Variants in EMSY observed in about 807,000 individuals in gnomAD.
EMSY encodes EMSY transcriptional repressor, BRCA2 interacting.
EMSY carries 26 observed loss-of-function variants against 134.6 expected under a neutral mutation model. That is an observed-to-expected ratio of 0.19 (90% confidence interval 0.14 to 0.27). The LOEUF (loss-of-function observed/expected upper bound fraction) is 0.27, where lower values mean the gene tolerates loss of function less well. Ranked by LOEUF, EMSY falls within the 10% of genes least tolerant of loss-of-function variation. The pLI, the probability that EMSY is intolerant of heterozygous loss-of-function variation, is 1.00. For synonymous variants in EMSY, 579 were observed against 577.8 expected, an observed-to-expected ratio of 1.00 and a Z score of -0.03; for missense variants, 1,305 against 1,611.4, an observed-to-expected ratio of 0.81 and a Z score of 3.26.
intron 7 of EMSY, among the ~76,000 whole-genome samples, chr11:76,468,143 T>C (rs1948432721): frequency 6.6e-6 from 1 of 152,182 alleles, no homozygotes; most frequent in Admixed American, 6.5e-5. Context: ...TTTAAGTTCA[T>C]TGACTTTACC....
chr11:76,544,896 T>C, intron 19 of EMSY, 74 bp downstream of exon 20: 1 of 1,440,146 alleles, frequency 6.9e-7, no homozygotes, highest in Non-Finnish European at 9.5e-7. Context: ...ATCACGACCC[T>C]ATCATGATAT....
chr11:76,528,116 A>G (rs80237143), intron 13 of EMSY, 152 bp from the exon 15 acceptor site: 14,885 of 675,652 alleles, frequency 0.022, 373 homozygotes, highest in East Asian at 0.096. Flanking sequence ...CTGTAGATTG[A>G]ATTACCCTTT....
At chr11:76,495,920 G>T (rs111376569) in intron 8 of EMSY, among the ~76,000 whole-genome samples, 1 of 152,094 alleles carries the variant, frequency 6.6e-6, no homozygotes, top group African/African-American at 2.4e-5. Context: ...TTAAGAGACA[G>T]GTCTGGGAAC....
chr11:76,523,677 AATT>A (rs1309623006), intron 12 of EMSY, among the ~76,000 whole-genome samples: 1 of 149,086 alleles, frequency 6.7e-6, no homozygotes, highest in African/African-American at 2.5e-5. Flanking sequence ...ATTAAGACTA[AATT>A]AATTGATGGG....
chr11:76,452,079 G>A, intron 3 of EMSY, 122 bp downstream of exon 3: 1 of 555,088 alleles, frequency 1.8e-6, no homozygotes, highest in South Asian at 3.8e-5. Flanking sequence ...TCAAATTGTT[G>A]GTGCTAAGAG....
At chr11:76,536,987 A>G (rs1230237105) in intron 15 of EMSY, among the ~76,000 whole-genome samples, 2 of 152,162 alleles carry the variant, frequency 1.3e-5, no homozygotes, top group Non-Finnish European at 1.5e-5. Context: ...GTTACCGTTT[A>G]TTGTAACTTC....
intron 4 of EMSY, chr11:76,453,818 G>A (rs1270410652): frequency 3.3e-5 from 5 of 152,160 alleles, no homozygotes; most frequent in Non-Finnish European, 5.9e-5. Context: ...TGTATTTTGA[G>A]ATTCAGAAAA....
At chr11:76,448,081 AAG>A (rs1207858048) in intron 2 of EMSY, among the ~76,000 whole-genome samples, 1 of 152,198 alleles carries the variant, frequency 6.6e-6, no homozygotes, top group African/African-American at 2.4e-5. Context: ...AACAAAAAAA[AAG>A]AGGATAACAC....
At chr11:76,496,388 C>T (rs768801916) in exon 9 of EMSY, 3 of 1,614,118 alleles carry the variant, frequency 1.9e-6, no homozygotes, top group Admixed American at 1.7e-5. Context: ...CCAGCCTTCT[C>T]CAGTATCTCA....
intron 8 of EMSY, among the ~76,000 whole-genome samples, chr11:76,480,904 C>G (rs1472593909): frequency 6.6e-6 from 1 of 152,238 alleles, no homozygotes; most frequent in Non-Finnish European, 1.5e-5. Flanking sequence ...ATGCTTTTCC[C>G]ATGGTCTTTG....
chr11:76,487,169 A>G (rs1355313036), intron 8 of EMSY, among the ~76,000 whole-genome samples: 1 of 152,140 alleles, frequency 6.6e-6, no homozygotes, highest in African/African-American at 2.4e-5. Context: ...AGTCCCAGCT[A>G]CTCAGGAGGC....
intron 8 of EMSY, among the ~76,000 whole-genome samples, chr11:76,492,905 A>G (rs1028277931): frequency 1.3e-5 from 2 of 152,042 alleles, no homozygotes; most frequent in Non-Finnish European, 2.9e-5. Flanking sequence ...CCATGAACCA[A>G]TCAGCATGCA....
At position 76,543,222 on chromosome 11, in the gene EMSY, T is replaced by C. The variant is rs59155315; in HGVS notation, c.2709+855T>C. On this transcript the variant is annotated intron_variant, in intron 18 of 20. Transcript: ENST00000334736. ...ACATAAGTCACCATCACTCACATGATGATGAATCTAACTGTAGGCAAACTA... is the reference window on the plus strand; with the variant it reads ...ACATAAGTCACCATCACTCACATGACGATGAATCTAACTGTAGGCAAACTA... 5.0e-3 allele frequency among the ~76,000 whole-genome samples: 760 copies of C among 152,326 alleles called. 4 individuals are homozygous for C. Among genetic ancestry groups the C allele is most frequent in the African/African-American group, 0.017 (722 of 41,574 alleles).
chr11:76,445,254 G>T (rs1347861051), intron 1 of EMSY, 126 bp downstream of exon 1: 1 of 153,302 alleles, frequency 6.5e-6, no homozygotes, highest in African/African-American at 2.4e-5. Flanking sequence ...TTCCTAACGG[G>T]ATCGTGGGGC....
chr11:76,544,916 C>T, intron 19 of EMSY, 94 bp downstream of exon 20: 3 of 1,362,278 alleles, frequency 2.2e-6, no homozygotes, highest in Non-Finnish European at 3.0e-6. Flanking sequence ...TCAGTGCTTT[C>T]TCCTGGCAAG....
chr11:76,497,184 A>G (rs1949690404), intron 9 of EMSY: 1 of 152,120 alleles, frequency 6.6e-6, no homozygotes, highest in Non-Finnish European at 1.5e-5. Flanking sequence ...GATTATATTG[A>G]TTGATTTTCT....
chr11:76,545,461 CAGA>C (rs1174453677), intron 19 of EMSY, among the ~76,000 whole-genome samples: 1 of 151,978 alleles, frequency 6.6e-6, no homozygotes, highest in Non-Finnish European at 1.5e-5. Context: ...TTTTAAAAAG[CAGA>C]AGATTATATG....
intron 1 of EMSY, among the ~76,000 whole-genome samples, chr11:76,445,995 C>T (rs1947372481): frequency 6.6e-6 from 1 of 152,070 alleles, no homozygotes; most frequent in Admixed American, 6.6e-5. Context: ...GCGCCTGGAA[C>T]GGGATATAGC....
intron 8 of EMSY, among the ~76,000 whole-genome samples, chr11:76,475,321 T>A (rs977912140): frequency 6.6e-5 from 10 of 152,238 alleles, no homozygotes; most frequent in Non-Finnish European, 1.3e-4. Flanking sequence ...ATGGTACTAT[T>A]TGAGATGAGA....
Sources: gnomAD v4.1 joint callset for allele counts (sites outside exome capture counted in the v4.1 genomes callset) on GRCh38, gnomAD v4.1.1 for gene constraint, MANE v1.5 for transcripts, NCBI Gene and HGNC (gene_info 2026-07-23, HGNC 2026-07-21) for gene names.